The following ZNF558 variants were observed in gnomAD, a reference collection of about 807,000 sequenced individuals.
The protein encoded by ZNF558 is zinc finger protein 558.
ZNF558 carries 23 observed loss-of-function variants against 37.6 expected under a neutral mutation model. The observed-to-expected ratio is 0.61, with a 90% CI of 0.44 to 0.87. The LOEUF (loss-of-function observed/expected upper bound fraction) is 0.87, where lower values mean the gene tolerates loss of function less well. ZNF558 is among the 40% of genes least tolerant of loss of function. The pLI is 0.00. For missense variants in ZNF558, 429 were observed against 483.7 expected, an observed-to-expected ratio of 0.89 and a Z score of 1.06; for synonymous variants, 189 against 174.4, an observed-to-expected ratio of 1.08 and a Z score of -0.66.
At chr19:8,818,077 G>C (rs1408746846) in intron 7 of ZNF558, among the ~76,000 whole-genome samples, 1 of 152,102 alleles carries the variant, frequency 6.6e-6, no homozygotes, top group African/African-American at 2.4e-5. Flanking sequence ...TTATATGTTA[G>C]GCTATAAAAA....
intron 7 of ZNF558, among the ~76,000 whole-genome samples, chr19:8,814,885 T>G (rs2043893178): frequency 2.0e-5 from 3 of 152,232 alleles, no homozygotes; most frequent in Non-Finnish European, 2.9e-5. Context: ...AACAGGAGTT[T>G]ACAATATATG....
chr19:8,822,711 T>C lies in ZNF558; in HGVS notation c.-52A>G, dbSNP rs763136189. The C allele has an allele frequency of 6.2e-6, 10 of 1,613,750 alleles. No homozygotes were observed. The Middle Eastern group carries it at 5.0e-4, about 80-fold the overall frequency. On this transcript the variant is annotated 5_prime_UTR_variant, in exon 5 of 10. In the 5' UTR this introduces an upstream ATG that the reference lacks. Transcript: ENST00000601372. This position sits in a 1 kb window ranked among gnomAD's most constrained non-coding sequence, Gnocchi z 4.4. ...GCCGGGAAGCAGGACGCTCCTCCTT[T>C]ATCCCGCAGCGCTCTGGAAGAAACG... is the stretch of plus-strand genomic sequence containing the variant.
At chr19:8,812,515 C>A in intron 9 of ZNF558, 46 bp downstream of exon 9, 1 of 1,327,754 alleles carries the variant, frequency 7.5e-7, no homozygotes, top group Non-Finnish European at 1.0e-6. Flanking sequence ...AAACTTAAGG[C>A]ATTCTCCTAC....
At chr19:8,824,672 C>A (rs1026655043) in intron 3 of ZNF558, among the ~76,000 whole-genome samples, 5 of 152,126 alleles carry the variant, frequency 3.3e-5, no homozygotes, top group African/African-American at 1.2e-4. Context: ...GCAGGGCTTG[C>A]TGGGCAGTTC....
chr19:8,811,438 C>T lies in ZNF558; in HGVS notation c.1052G>A (p.Ser351Asn). The change falls in exon 10 of 10, where the codon AGT (serine) becomes AAT (asparagine). Residue 351 changes from serine to asparagine, a missense_variant. Coordinates refer to ENST00000601372, the MANE Select transcript of ZNF558 (RefSeq NM_144693.3). Reference protein sequence around the residue: ...IHTGEKPYECSDCGKAFNNLS... With the variant: ...IHTGEKPYECNDCGKAFNNLS... Reference sequence around the variant, plus strand: ...ATTATTAAAGGCTTTTCCACAGTCACTGCACTCGTAGGGTTTCTCTCCGGT... The same window carrying T: ...ATTATTAAAGGCTTTTCCACAGTCATTGCACTCGTAGGGTTTCTCTCCGGT... 6.2e-7 allele frequency: 1 copy of T among 1,613,910 alleles called. No individual in the cohort carries two copies. The highest frequency in any genetic ancestry group is 8.5e-7 in the Non-Finnish European group (1 of 1,179,940).
intron 7 of ZNF558, among the ~76,000 whole-genome samples, chr19:8,817,216 A>C (rs983842138): frequency 2.0e-5 from 3 of 152,202 alleles, no homozygotes; most frequent in African/African-American, 7.2e-5. Context: ...GGATTTTGGC[A>C]GAATGGATTT....
chr19:8,820,091 G>A (rs761923300), intron 7 of ZNF558, among the ~76,000 whole-genome samples: 21 of 152,094 alleles, frequency 1.4e-4, no homozygotes, highest in African/African-American at 3.9e-4. Context: ...AAACAAGAAC[G>A]AGATAGCACT....
upstream of ZNF558, chr19:8,833,012 C>G (rs953505607): frequency 2.0e-5 from 3 of 152,272 alleles, no homozygotes; most frequent in Admixed American, 1.3e-4. Flanking sequence ...TGGGCGGAGA[C>G]CAGTTCTGGG....
intron 7 of ZNF558, 94 bp from the exon 8 acceptor site, chr19:8,813,316 G>GT: frequency 1.1e-6 from 1 of 925,790 alleles, no homozygotes; most frequent in Non-Finnish European, 1.7e-6. Flanking sequence ...ATGGAAAAGT[G>GT]TGACTTTAGG....
At chr19:8,821,327 C>T (rs373954355) in intron 6 of ZNF558, 21 bp from the exon 7 acceptor site, 94 of 1,614,160 alleles carry the variant, frequency 5.8e-5, no homozygotes, top group Middle Eastern at 1.6e-4. Flanking sequence ...GCAAACATCA[C>T]GGCTTAGCCA....
intron 7 of ZNF558, 63 bp from the exon 8 acceptor site, chr19:8,813,285 A>C: frequency 7.7e-7 from 1 of 1,299,588 alleles, no homozygotes; most frequent in Non-Finnish European, 1.1e-6. Context: ...AGTCCATGAA[A>C]GAAAGCCAAC....
At position 8,821,986 on chromosome 19, in the gene ZNF558, AG is replaced by A. The variant is rs759513736; in HGVS notation, c.120+16del. The stretch of plus-strand genomic sequence containing the variant: ...GCCAAAGGAATAATGATTTGGGAAA[AG>A]GAACATCTGACTCACCCGTAGCCAG... On this transcript the variant is annotated intron_variant, in intron 6 of 9. Coordinates refer to ENST00000601372, the MANE Select transcript of ZNF558 (RefSeq NM_144693.3). 1 of 1,613,480 alleles carries A rather than the reference AG, an allele frequency of 6.2e-7. No individual in the cohort carries two copies. Among genetic ancestry groups the A allele is most frequent in the South Asian group, 1.1e-5 (1 of 91,064 alleles).
intron 4 of ZNF558, chr19:8,823,006 CCA>C (rs2044132548): frequency 3.2e-6 from 1 of 315,198 alleles, no homozygotes; most frequent in African/African-American, 2.1e-5. Context: ...TCCAAGCGCA[CCA>C]CAAACGCATT....
At chr19:8,825,300 T>C (rs1011881153) in intron 2 of ZNF558, among the ~76,000 whole-genome samples, 192 bp from the exon 3 acceptor site, 1 of 152,066 alleles carries the variant, frequency 6.6e-6, no homozygotes, top group Non-Finnish European at 1.5e-5. Context: ...GGGGATTGGG[T>C]GAATAAACTA....
In ZNF558 at chr19:8,818,313, G is replaced by C. The variant is rs183037497; in HGVS notation, c.247+2867C>G. On this transcript the variant is annotated intron_variant, in intron 7 of 9. Coordinates refer to ENST00000601372, the MANE Select transcript of ZNF558 (RefSeq NM_144693.3). The stretch of plus-strand genomic sequence containing the variant: ...CTAAAAATACAAAAATTAGCTGGGC[G>C]TGGTGGTGCGCACCTGTAGTCCGAG... Among the ~76,000 whole-genome samples, 360 of 152,168 alleles carry C rather than the reference G, an allele frequency of 2.4e-3. 1 individual carries two copies. Among genetic ancestry groups the C allele is most frequent in the African/African-American group, 8.3e-3 (345 of 41,512 alleles).
In ZNF558 at chr19:8,822,945, A is replaced by T; in HGVS notation, c.-65-221T>A. On this transcript the variant is annotated intron_variant, in intron 4 of 9. Transcript: ENST00000601372. The surrounding 1 kb of genome is among the most constrained non-coding windows in gnomAD (Gnocchi z 4.4). ...ACAACGACCAGTACCTCCCTGACCCACCCGCTTTGAGAACCTCGGCTTCAC... is the reference window on the plus strand; with the variant it reads ...ACAACGACCAGTACCTCCCTGACCCTCCCGCTTTGAGAACCTCGGCTTCAC... 2.1e-6 allele frequency: 1 copy of T among 466,190 alleles called. No homozygotes were observed. Among genetic ancestry groups the T allele is most frequent in the Non-Finnish European group, 3.9e-6 (1 of 253,964 alleles). The allele number at this position is 466,190 out of a possible 1,614,324, so 28.9% of individuals were successfully genotyped here.
rs138854683 is a variant in ZNF558, at chr19:8,811,522, T to C, written c.968A>G (p.Asn323Ser). ...THTGEKPYEC[N>S]ECGKSFSSSF... ...ACTGCTGAAGGATTTCCCACACTCG[T>C]TACATTCATAGGGTTTTTCTCCAGT... The change falls in exon 10 of 10, where the codon AAC becomes AGC. Residue 323 changes from asparagine to serine, a missense_variant. By Grantham distance (46) the Asn-to-Ser change is conservative. Coordinates refer to ENST00000601372, the MANE Select transcript of ZNF558 (RefSeq NM_144693.3). 2.0e-4 allele frequency: 326 copies of C among 1,614,172 alleles called. No homozygotes were observed. Among genetic ancestry groups the C allele is most frequent in the Non-Finnish European group, 2.6e-4 (311 of 1,179,994 alleles).
chr19:8,824,438 G>A (rs1187527339), intron 3 of ZNF558, 21 bp from the exon 4 acceptor site: 3 of 152,222 alleles, frequency 2.0e-5, no homozygotes, highest in Non-Finnish European at 4.4e-5. Flanking sequence ...AAAACAGTGA[G>A]AGACGATACA....
At position 8,807,231 on chromosome 19, in the gene ZNF558, C is replaced by T. The variant is rs1468527516; in HGVS notation, c.*4050G>A. On this transcript the variant is annotated 3_prime_UTR_variant, in exon 10 of 10. Transcript: ENST00000601372. ...GAATGCAGCCCTCTCCTCTCGTCTCCAGATTCAGTTGCTCCCTCCCTTCGT... is the reference window on the plus strand; with the variant it reads ...GAATGCAGCCCTCTCCTCTCGTCTCTAGATTCAGTTGCTCCCTCCCTTCGT... The T allele has an allele frequency of 1.3e-5, 2 of 152,316 alleles. No individual in the cohort carries two copies. Among genetic ancestry groups the T allele is most frequent in the African/African-American group, 4.8e-5 (2 of 41,436 alleles). The allele number at this position is 152,316 out of a possible 1,614,324, so 9.4% of individuals were successfully genotyped here.
Sources: allele counts gnomAD v4.1 joint callset (sites outside exome capture counted in the v4.1 genomes callset), GRCh38; gene constraint gnomAD v4.1.1; non-coding constraint Gnocchi (gnomAD v3.1); transcripts MANE v1.5; gene names NCBI Gene and HGNC (gene_info 2026-07-23, HGNC 2026-07-21).